Variants in C6orf52 observed in about 807,000 individuals in gnomAD.
The protein encoded by C6orf52 is putative uncharacterized protein C6orf52.
A neutral mutation model predicts 16.6 loss-of-function variants in C6orf52; 16 were observed. The ratio of observed to expected loss-of-function variants is 0.96; its 90% confidence interval spans 0.65 to 1.46. The LOEUF is 1.46. Among genes scored for constraint, C6orf52 ranks in the 40% most tolerant of loss-of-function variants. The pLI, the probability that C6orf52 is intolerant of heterozygous loss-of-function variation, is 0.00. For missense variants in C6orf52, 166 were observed against 182.3 expected (o/e 0.91, Z 0.52); for synonymous variants, 53 against 61.4 (o/e 0.86, Z 0.64).
Position 10,677,494 on chromosome 6 carries a change from G to T in C6orf52, c.316+5693C>A, listed in dbSNP as rs1242544231. 4.7e-5 allele frequency among the ~76,000 whole-genome samples: 7 copies of T among 149,156 alleles called. No homozygotes were observed. The East Asian group carries it at 5.9e-4, about 12-fold the overall frequency. On this transcript the variant is annotated intron_variant, in intron 4 of 4. Coordinates refer to ENST00000259983, the MANE Select transcript of C6orf52 (RefSeq NM_001145020.3). ...GGCTCAGATTGCTTTGGCTATTTAG[G>T]TTTTTTTGTGATTCCATACAAATTA... is the stretch of plus-strand genomic sequence containing the variant.
chr6:10,693,728 A>G (rs146853851), intron 1 of C6orf52, among the ~76,000 whole-genome samples: 46 of 152,038 alleles, frequency 3.0e-4, no homozygotes, highest in African/African-American at 1.1e-3. Context: ...ACCTTATTAA[A>G]TAAAACTTTT....
intron 1 of C6orf52, among the ~76,000 whole-genome samples, chr6:10,689,891 A>C (rs554128207): frequency 6.6e-6 from 1 of 152,338 alleles, no homozygotes; most frequent in Non-Finnish European, 1.5e-5. Context: ...TTGTTATGTC[A>C]GGTAAAACAC....
chr6:10,691,767 C>T (rs907254677), intron 1 of C6orf52, among the ~76,000 whole-genome samples: 2 of 152,126 alleles, frequency 1.3e-5, no homozygotes, highest in Non-Finnish European at 1.5e-5. Context: ...ATTAGTAACA[C>T]CTGGACTAGA....
In C6orf52 at chr6:10,686,901, A is replaced by G. The variant is rs1037206234; in HGVS notation, c.270+65T>C. 11 of 1,188,606 alleles carry G rather than the reference A, an allele frequency of 9.3e-6. No homozygotes were observed. In the East Asian group the frequency reaches 1.0e-4, roughly 11 times the overall value. The allele number at this position is 1,188,606 out of a possible 1,614,324, so 73.6% of individuals were successfully genotyped here. A position where few individuals can be genotyped will look rare whatever the true frequency, so the allele number is the denominator to read the frequency against. On this transcript the variant is annotated intron_variant, in intron 3 of 4. Coordinates refer to ENST00000259983, the MANE Select transcript of C6orf52 (RefSeq NM_001145020.3). ...TGACAGGACACAGATGTGTGAAGAT[A>G]GGAAAGTGATGTTTACTATTATTGG...
chr6:10,687,844 CCAG>C (rs1768990437), intron 1 of C6orf52, among the ~76,000 whole-genome samples: 1 of 152,112 alleles, frequency 6.6e-6, no homozygotes, highest in Non-Finnish European at 1.5e-5. Context: ...GCAGCGGGAG[CCAG>C]CAGAACCCCA....
intron 4 of C6orf52, among the ~76,000 whole-genome samples, chr6:10,672,986 C>G (rs1767563265): frequency 1.3e-5 from 2 of 152,224 alleles, no homozygotes. Flanking sequence ...CTACTTCTCA[C>G]TTTTCTTCAT....
chr6:10,683,222 G>C lies in C6orf52; in HGVS notation c.281C>G (p.Pro94Arg), dbSNP rs1202256879. The C allele has an allele frequency of 6.5e-7, 1 of 1,544,388 alleles. No homozygotes were observed. The highest frequency in any genetic ancestry group is 8.8e-7 in the Non-Finnish European group (1 of 1,142,044). The change falls in exon 4 of 5, where the codon CCT becomes CGT. Residue 94 changes from proline (P) to arginine (R), a missense_variant. Physicochemically the swap from Pro to Arg is moderately radical, Grantham distance 103. Transcript: ENST00000259983. ...GTLVMPKETT[P>R]LAENQDEDPL... is the part of the protein sequence containing the mutation. ...GTCTTCATCTTGGTTTTCAGCTAGA[G>C]GTGTGGTTTCCTGCAACAAAATATT...
Position 10,683,235 on chromosome 6 carries a change from G to A in C6orf52, c.271-3C>T, listed in dbSNP as rs1157187810. 34 of 1,533,096 alleles carry A rather than the reference G, an allele frequency of 2.2e-5. No homozygotes were observed. Among genetic ancestry groups the A allele is most frequent in the Non-Finnish European group, 3.0e-5 (34 of 1,132,396 alleles). 95.0% of individuals were successfully genotyped at this position (1,533,096 alleles called of 1,614,324 possible). ...TTTTCAGCTAGAGGTGTGGTTTCCT[G>A]CAACAAAATATTATCTCATGAGAAA... is the stretch of plus-strand genomic sequence containing the variant. On this transcript the variant is annotated splice_polypyrimidine_tract_variant and splice_region_variant and intron_variant, in intron 3 of 4. Coordinates refer to ENST00000259983, the MANE Select transcript of C6orf52 (RefSeq NM_001145020.3).
Position 10,671,430 on chromosome 6 carries a change from T to C in C6orf52, c.*26A>G, listed in dbSNP as rs1328148809. ...AAAGACGACACAATTAGTATGATAATTGCGGAGTTTAATGAACACCTTGCT... is the reference window on the plus strand; with the variant it reads ...AAAGACGACACAATTAGTATGATAACTGCGGAGTTTAATGAACACCTTGCT... On this transcript the variant is annotated 3_prime_UTR_variant, in exon 5 of 5. Transcript: ENST00000259983. 1 of 1,514,042 alleles carries C rather than the reference T, an allele frequency of 6.6e-7. No individual in the cohort carries two copies. The highest frequency in any genetic ancestry group is 8.8e-7 in the Non-Finnish European group (1 of 1,132,852). 93.8% of individuals were successfully genotyped at this position (1,514,042 alleles called of 1,614,324 possible).
intron 3 of C6orf52, among the ~76,000 whole-genome samples, chr6:10,684,676 G>C (rs1768705225): frequency 6.6e-6 from 1 of 152,226 alleles, no homozygotes; most frequent in African/African-American, 2.4e-5. Context: ...ATGTAAAGGA[G>C]AGGGCTGGAG....
At chr6:10,676,964 T>C (rs1767952532) in intron 4 of C6orf52, among the ~76,000 whole-genome samples, 1 of 152,250 alleles carries the variant, frequency 6.6e-6, no homozygotes. Context: ...CCCACTCCGT[T>C]GTCTGTCTTC....
At chr6:10,693,681 G>A (rs1243884402) in intron 1 of C6orf52, among the ~76,000 whole-genome samples, 1 of 152,204 alleles carries the variant, frequency 6.6e-6, no homozygotes, top group Non-Finnish European at 1.5e-5. Flanking sequence ...GAGCTTGTAG[G>A]AAAGCTGTAA....
chr6:10,678,510 G>A (rs964050064), intron 4 of C6orf52, among the ~76,000 whole-genome samples: 9 of 152,152 alleles, frequency 5.9e-5, no homozygotes, highest in African/African-American at 2.2e-4. Flanking sequence ...AGACCTAACA[G>A]TTTTTTGGCA....
intron 4 of C6orf52, among the ~76,000 whole-genome samples, chr6:10,677,130 T>C (rs1209007131): frequency 6.6e-6 from 1 of 152,386 alleles, no homozygotes; most frequent in South Asian, 2.1e-4. Context: ...TGTTTTCTTC[T>C]AGTAGTTTCA....
intron 1 of C6orf52, among the ~76,000 whole-genome samples, chr6:10,692,544 G>T (rs1581570093): frequency 6.6e-6 from 1 of 151,982 alleles, no homozygotes; most frequent in African/African-American, 2.4e-5. Context: ...TAATTCAAGC[G>T]ATTCTCCCGC....
intron 1 of C6orf52, among the ~76,000 whole-genome samples, chr6:10,692,543 CG>C (rs1769423907): frequency 6.6e-6 from 1 of 152,084 alleles, no homozygotes; most frequent in Non-Finnish European, 1.5e-5. Flanking sequence ...CTAATTCAAG[CG>C]ATTCTCCCGC....
Position 10,687,498 on chromosome 6 carries a change from T to C in C6orf52, c.53A>G (p.Tyr18Cys), listed in dbSNP as rs1180156944. 5 of 1,549,820 alleles carry C rather than the reference T, an allele frequency of 3.2e-6. No individual in the cohort carries two copies. The African/African-American group carries it at 5.5e-5, about 17-fold the overall frequency. Residue 18 changes from tyrosine (Y) to cysteine (C), a missense_variant, in exon 2 of 5, where the codon TAT (tyrosine) becomes TGT (cysteine). Transcript: ENST00000259983. Reference sequence around the variant, plus strand: ...CACTCACCTTTGCCAGTAGCAGTAATAGTTATTTTGTTGAGCTATGCCAAA... The same window carrying C: ...CACTCACCTTTGCCAGTAGCAGTAACAGTTATTTTGTTGAGCTATGCCAAA... ...ADFGIAQQNN[Y>C]YCYWQSLPSA...
At chr6:10,683,146 G>T in intron 4 of C6orf52, 41 bp downstream of exon 4, 1 of 1,354,160 alleles carries the variant, frequency 7.4e-7, no homozygotes, top group South Asian at 1.4e-5. Context: ...CCAGGAAATG[G>T]GGTTTTGTTT....
chr6:10,678,110 G>A (rs1320738464), intron 4 of C6orf52, among the ~76,000 whole-genome samples: 1 of 150,914 alleles, frequency 6.6e-6, no homozygotes, highest in Non-Finnish European at 1.5e-5. Context: ...CTTGAACCCT[G>A]GAGGAGGCGG....
Sources: gnomAD v4.1 joint callset for allele counts (sites outside exome capture counted in the v4.1 genomes callset) on GRCh38, gnomAD v4.1.1 for gene constraint, MANE v1.5 for transcripts, NCBI Gene and HGNC (gene_info 2026-07-23, HGNC 2026-07-21) for gene names.